Variants in ETV1 observed in about 807,000 individuals in gnomAD.
ETV1 encodes ETS variant transcription factor 1, also known as ETS translocation variant 1.
Under a neutral mutation model 62.3 loss-of-function variants are expected in ETV1, and 27 were observed. That is an observed-to-expected ratio of 0.43 (90% CI 0.32 to 0.60). The LOEUF is 0.60. Among genes scored for constraint, ETV1 ranks in the 20% least tolerant of loss-of-function variants. The probability of loss-of-function intolerance (pLI) is 0.06; values close to 1 mark genes in which losing one functional copy is unlikely to be tolerated. For missense variants in ETV1, 605 were observed against 605.8 expected, an observed-to-expected ratio of 1.00 and a Z score of 0.01; for synonymous variants, 222 against 199.6, an observed-to-expected ratio of 1.11 and a Z score of -0.94.
In ETV1 at chr7:13,954,144, C is replaced by T. The variant is rs185061859; in HGVS notation, c.236-14898G>A. Among the ~76,000 whole-genome samples the T allele has an allele frequency of 5.3e-3, 813 of 152,126 alleles. 3 individuals are homozygous for T. The highest frequency in any genetic ancestry group is 0.02 in the Middle Eastern group (6 of 294). On this transcript the variant is annotated intron_variant, in intron 6 of 13. Coordinates refer to ENST00000430479, the MANE Select transcript of ETV1 (RefSeq NM_004956.5). Reference sequence around the variant, plus strand: ...ATTTCTAAGATTTGTAAGTATTACTCACTAACAACAAGTAGTCCAATAAAT... The same window carrying T: ...ATTTCTAAGATTTGTAAGTATTACTTACTAACAACAAGTAGTCCAATAAAT...
chr7:13,913,878 CTT>C (rs544899107), intron 9 of ETV1, among the ~76,000 whole-genome samples: 13,080 of 86,940 alleles, frequency 0.15, 194 homozygotes, highest in East Asian at 0.3. Context: ...GGGGGTACCT[CTT>C]TTTTTTTTTT....
intron 6 of ETV1, among the ~76,000 whole-genome samples, chr7:13,949,167 A>C (rs772619200): frequency 1.4e-4 from 18 of 133,316 alleles, no homozygotes; most frequent in Non-Finnish European, 1.8e-4. Context: ...CAGTGATTTA[A>C]AAAAAAAAAT....
chr7:13,894,902 T>C lies in ETV1; in HGVS notation c.*964A>G, dbSNP rs1485523736. ...TTGGATATTTTTCTTAAAGAGTGTT[T>C]GCTGTAACTAGAACAGCATAATACA... On this transcript the variant is annotated 3_prime_UTR_variant, in exon 14 of 14. Transcript: ENST00000430479. The C allele has an allele frequency of 8.6e-6, 2 of 232,862 alleles. No homozygotes were observed. The highest frequency in any genetic ancestry group is 1.2e-4 in the East Asian group (2 of 16,396). 14.4% of individuals were successfully genotyped at this position (232,862 alleles called of 1,614,324 possible).
chr7:13,979,807 A>G (rs1401251409), intron 5 of ETV1, among the ~76,000 whole-genome samples: 1 of 152,150 alleles, frequency 6.6e-6, no homozygotes, highest in Non-Finnish European at 1.5e-5. Flanking sequence ...GTAACTGAAT[A>G]TGATGGTATG....
intron 12 of ETV1, 25 bp downstream of exon 12, chr7:13,906,405 C>G (rs775856362): frequency 1.4e-6 from 2 of 1,459,618 alleles, no homozygotes; most frequent in Non-Finnish European, 1.8e-6. Context: ...GTCTGAGTGT[C>G]CTAATTAAAA....
chr7:13,909,494 C>T (rs773055129), intron 11 of ETV1, 138 bp downstream of exon 11: 43 of 679,756 alleles, frequency 6.3e-5, no homozygotes, highest in Non-Finnish European at 1.0e-4. Flanking sequence ...AATAGGTCAA[C>T]GTTGGCTAAA....
In ETV1 at chr7:13,901,215, G is replaced by C. The variant is rs542639477; in HGVS notation, c.1111-376C>G. 1.4e-4 allele frequency among the ~76,000 whole-genome samples: 22 copies of C among 152,270 alleles called. No homozygotes were observed. The East Asian group carries it at 4.3e-3, about 29-fold the overall frequency. ...AGGTGGGGTTTCACCATGTTGGCCA[G>C]GCTGGTCTCGAACTCCTGACCTCAG... is the stretch of plus-strand genomic sequence containing the variant. On this transcript the variant is annotated intron_variant, in intron 12 of 13. Coordinates refer to ENST00000430479, the MANE Select transcript of ETV1 (RefSeq NM_004956.5).
chr7:13,988,748 C>T (rs780727008), intron 3 of ETV1: 1 of 1,612,560 alleles, frequency 6.2e-7, no homozygotes, highest in Non-Finnish European at 8.5e-7. Flanking sequence ...TGCTGCCCTC[C>T]ATCTCCTCTT....
intron 6 of ETV1, among the ~76,000 whole-genome samples, chr7:13,967,787 G>C (rs1780456759): frequency 6.6e-6 from 1 of 151,946 alleles, no homozygotes; most frequent in Non-Finnish European, 1.5e-5. Flanking sequence ...GTTTAGCTCA[G>C]GTTATTTCTT....
chr7:13,914,835 G>C (rs373478881), intron 9 of ETV1, among the ~76,000 whole-genome samples: 8 of 152,148 alleles, frequency 5.3e-5, no homozygotes, highest in African/African-American at 1.7e-4. Flanking sequence ...GGCAGAGTTT[G>C]CTTAAAATTT....
chr7:13,956,117 G>C (rs1311214342), intron 6 of ETV1, among the ~76,000 whole-genome samples: 2 of 152,132 alleles, frequency 1.3e-5, no homozygotes, highest in African/African-American at 4.8e-5. Flanking sequence ...ATATGATCTA[G>C]TGATAAAGAA....
intron 5 of ETV1, among the ~76,000 whole-genome samples, chr7:13,984,957 A>G (rs1374655143): frequency 2.6e-5 from 4 of 151,440 alleles, no homozygotes; most frequent in Admixed American, 2.6e-4. Flanking sequence ...ACTGATTATA[A>G]AATGGTAAGA....
intron 5 of ETV1, chr7:13,986,437 A>G (rs1782557477): frequency 1.3e-6 from 2 of 1,491,658 alleles, no homozygotes; most frequent in South Asian, 1.4e-5. Flanking sequence ...TTCTCCTGGT[A>G]ATTTGTGATG....
intron 9 of ETV1, among the ~76,000 whole-genome samples, chr7:13,931,115 A>G (rs1786090353): frequency 2.0e-5 from 3 of 152,122 alleles, no homozygotes; most frequent in Admixed American, 1.3e-4. Flanking sequence ...TATAAGCAAC[A>G]TGTGACCTAG....
chr7:13,913,961 T>C (rs1042634943), intron 9 of ETV1, among the ~76,000 whole-genome samples: 5 of 136,182 alleles, frequency 3.7e-5, no homozygotes, highest in African/African-American at 1.4e-4. Context: ...CTCAGCTCAC[T>C]GCAAGCTCCG....
At position 13,893,400 on chromosome 7, in the gene ETV1, AT is replaced by A. The variant is rs1249943117; in HGVS notation, c.*2465del. 2.6e-5 allele frequency: 6 copies of A among 230,782 alleles called. No individual in the cohort carries two copies. The highest frequency in any genetic ancestry group is 5.1e-5 in the Non-Finnish European group (6 of 116,672). 14.3% of individuals were successfully genotyped at this position (230,782 alleles called of 1,614,324 possible). ...TTTTCAAAAGAGTTTATAATGTAATATTTTCAACCCTTCTGTATTGGAAATA... is the reference window on the plus strand; with the variant it reads ...TTTTCAAAAGAGTTTATAATGTAATATTTCAACCCTTCTGTATTGGAAATA... On this transcript the variant is annotated 3_prime_UTR_variant, in exon 14 of 14. Coordinates refer to ENST00000430479, the MANE Select transcript of ETV1 (RefSeq NM_004956.5).
intron 5 of ETV1, among the ~76,000 whole-genome samples, chr7:13,979,881 T>G (rs1324341676): frequency 1.3e-5 from 2 of 152,158 alleles, no homozygotes; most frequent in African/African-American, 4.8e-5. Context: ...CTTCCTAATA[T>G]ATGTCACTGC....
At chr7:13,984,132 T>A (rs1782284302) in intron 5 of ETV1, among the ~76,000 whole-genome samples, 2 of 152,016 alleles carry the variant, frequency 1.3e-5, no homozygotes, top group Admixed American at 1.3e-4. Flanking sequence ...CTCTTATGTC[T>A]AATAAGGTTT....
chr7:13,931,632 T>A lies in ETV1; in HGVS notation c.672A>T (p.Pro224=), dbSNP rs374729889. ...QMSEPNIPFP[P]QGFKQEYHDP... ...CGTGGTACTCCTGCTTAAAGCCTTG[T>A]GGTGGGAAGGGGATGTTTGGCTCAG... is the stretch of plus-strand genomic sequence containing the variant. The change falls in exon 9 of 14, where the codon CCA becomes CCT. Residue 224 remains proline (P), a synonymous_variant. Transcript: ENST00000430479. The A allele has an allele frequency of 1.2e-6, 2 of 1,613,994 alleles. No homozygotes were observed. The highest frequency in any genetic ancestry group is 4.5e-5 in the East Asian group (2 of 44,876).
Sources: gnomAD v4.1 joint callset for allele counts (sites outside exome capture counted in the v4.1 genomes callset) on GRCh38, gnomAD v4.1.1 for gene constraint, MANE v1.5 for transcripts, NCBI Gene and HGNC (gene_info 2026-07-23, HGNC 2026-07-21) for gene names.